The following PLCL1 variants were observed in gnomAD, a reference collection of about 807,000 sequenced individuals.
The protein encoded by PLCL1 is phospholipase C like 1 (inactive).
A neutral mutation model predicts 84.4 loss-of-function variants in PLCL1; 41 were observed. The ratio of observed to expected loss-of-function variants is 0.49; its 90% CI spans 0.38 to 0.63. The LOEUF (loss-of-function observed/expected upper bound fraction) is 0.63, where lower values mean the gene tolerates loss of function less well. PLCL1 is among the 30% of genes least tolerant of loss of function. The probability of loss-of-function intolerance (pLI) is 0.00; values close to 1 mark genes in which losing one functional copy is unlikely to be tolerated. For missense variants in PLCL1, 1,206 were observed against 1,367.8 expected (o/e 0.88, Z 1.87); for synonymous variants, 490 against 488.3 (o/e 1.00, Z -0.05).
chr2:197,964,578 A>G (rs777160858), intron 1 of PLCL1, among the ~76,000 whole-genome samples: 1 of 152,102 alleles, frequency 6.6e-6, no homozygotes. Context: ...TCCAATTTCA[A>G]TGCCCTTTAT....
Position 198,084,554 on chromosome 2 carries a change from C to A in PLCL1, c.1037C>A (p.Thr346Asn). The change falls in exon 2 of 6, where the codon ACC becomes AAC. Residue 346 changes from threonine to asparagine, a missense_variant. Transcript: ENST00000428675. The part of the protein sequence containing the change: ...MLFLEAEQGV[T>N]HITEDICLDI... ...TTTTTAGAAGCTGAGCAAGGAGTCACCCATATCACCGAGGATATATGCTTA... is the reference window on the plus strand; with the variant it reads ...TTTTTAGAAGCTGAGCAAGGAGTCAACCATATCACCGAGGATATATGCTTA... The A allele has an allele frequency of 6.2e-7, 1 of 1,613,614 alleles. No homozygotes were observed. The highest frequency in any genetic ancestry group is 8.5e-7 in the Non-Finnish European group (1 of 1,179,540).
chr2:198,094,848 A>G (rs1559103540), intron 3 of PLCL1, among the ~76,000 whole-genome samples: 1 of 152,072 alleles, frequency 6.6e-6, no homozygotes, highest in Non-Finnish European at 1.5e-5. Flanking sequence ...TAATACTCTC[A>G]ATAGGATGTT....
At chr2:198,059,618 G>A (rs889272949) in intron 1 of PLCL1, among the ~76,000 whole-genome samples, 1 of 152,144 alleles carries the variant, frequency 6.6e-6, no homozygotes, top group Non-Finnish European at 1.5e-5. Context: ...GGACGAGAAA[G>A]CTGAGAGAGG....
At chr2:197,863,066 G>T (rs1687463060) in intron 1 of PLCL1, among the ~76,000 whole-genome samples, 1 of 151,966 alleles carries the variant, frequency 6.6e-6, no homozygotes, top group Admixed American at 6.6e-5. Flanking sequence ...GTTAGAAAAG[G>T]ATATTTTAGC....
intron 2 of PLCL1, among the ~76,000 whole-genome samples, chr2:198,087,493 A>G (rs1039574032): frequency 1.3e-5 from 2 of 152,188 alleles, no homozygotes; most frequent in Non-Finnish European, 2.9e-5. Flanking sequence ...TGTGTTTATA[A>G]TAATCCTCAC....
At chr2:197,902,629 A>G (rs566294837) in intron 1 of PLCL1, among the ~76,000 whole-genome samples, 1 of 152,354 alleles carries the variant, frequency 6.6e-6, no homozygotes, top group South Asian at 2.1e-4. Flanking sequence ...ACATACTGGT[A>G]TGAAGAACAG....
At chr2:198,080,885 A>C (rs1344968508) in intron 1 of PLCL1, among the ~76,000 whole-genome samples, 1 of 152,230 alleles carries the variant, frequency 6.6e-6, no homozygotes, top group Non-Finnish European at 1.5e-5. Flanking sequence ...GGTCAAAGCA[A>C]GAAATAAGCA....
intron 1 of PLCL1, among the ~76,000 whole-genome samples, chr2:197,916,995 A>T (rs1174479954): frequency 6.6e-6 from 1 of 152,214 alleles, no homozygotes; most frequent in Non-Finnish European, 1.5e-5. Context: ...AATCCAAAAA[A>T]ACTGACAATA....
At chr2:197,854,935 G>A (rs1330351325) in intron 1 of PLCL1, among the ~76,000 whole-genome samples, 1 of 152,154 alleles carries the variant, frequency 6.6e-6, no homozygotes, top group Non-Finnish European at 1.5e-5. Flanking sequence ...TTAAAATAAA[G>A]ACAGAATTTT....
At position 198,085,282 on chromosome 2, in the gene PLCL1, G is replaced by A; in HGVS notation, c.1765G>A (p.Val589Met). 6.2e-7 allele frequency: 1 copy of A among 1,613,908 alleles called. No homozygotes were observed. The highest frequency in any genetic ancestry group is 8.5e-7 in the Non-Finnish European group (1 of 1,179,838). ...IRLCRELSDL[V>M]SICKSVQYRD... Reference sequence around the variant, plus strand: ...ACTCTGTAGGGAGCTCTCTGATTTGGTGTCTATTTGTAAATCTGTTCAATA... The same window carrying A: ...ACTCTGTAGGGAGCTCTCTGATTTGATGTCTATTTGTAAATCTGTTCAATA... Residue 589 changes from valine to methionine, a missense_variant, in exon 2 of 6, where the codon GTG (valine) becomes ATG (methionine). Transcript: ENST00000428675. This position sits in a 1 kb window ranked among gnomAD's most constrained non-coding sequence, Gnocchi z 5.3.
intron 1 of PLCL1, among the ~76,000 whole-genome samples, chr2:197,955,913 A>G (rs1479000974): frequency 2.6e-5 from 4 of 151,802 alleles, no homozygotes; most frequent in Non-Finnish European, 5.9e-5. Context: ...TCAACCCGTC[A>G]TCTAGGTTTT....
chr2:197,863,956 A>C (rs541686108), intron 1 of PLCL1, among the ~76,000 whole-genome samples: 4 of 152,156 alleles, frequency 2.6e-5, no homozygotes, highest in Non-Finnish European at 4.4e-5. Flanking sequence ...TTAAACACTC[A>C]TAGACATGAC....
chr2:198,103,307 G>T (rs894399655), intron 4 of PLCL1, among the ~76,000 whole-genome samples: 1 of 151,748 alleles, frequency 6.6e-6, no homozygotes, highest in Non-Finnish European at 1.5e-5. Context: ...ATTTTTGTGG[G>T]TACATAGGAG....
chr2:198,102,411 A>G (rs1419363851), intron 4 of PLCL1, among the ~76,000 whole-genome samples: 1 of 152,056 alleles, frequency 6.6e-6, no homozygotes, highest in Non-Finnish European at 1.5e-5. Flanking sequence ...CTCCACACTC[A>G]TGTTCTTTAC....
chr2:198,020,562 GA>G (rs973475435), intron 1 of PLCL1, among the ~76,000 whole-genome samples: 30 of 120,008 alleles, frequency 2.5e-4, no homozygotes, highest in African/African-American at 3.1e-4. Context: ...CAAATGGAAA[GA>G]AAAAAAAAAG....
chr2:198,121,370 T>G (rs541074069), intron 5 of PLCL1, among the ~76,000 whole-genome samples: 15 of 152,218 alleles, frequency 9.9e-5, no homozygotes, highest in Admixed American at 7.9e-4. Context: ...TGTGGGGTAT[T>G]ACTTAAGACA....
chr2:198,136,165 A>G (rs754177279), intron 5 of PLCL1, among the ~76,000 whole-genome samples: 3 of 152,210 alleles, frequency 2.0e-5, no homozygotes, highest in Non-Finnish European at 2.9e-5. Flanking sequence ...GGCAAAGGAC[A>G]GTGGACTTAT....
intron 3 of PLCL1, among the ~76,000 whole-genome samples, chr2:198,096,614 C>T (rs1188284368): frequency 6.6e-6 from 1 of 152,046 alleles, no homozygotes; most frequent in African/African-American, 2.4e-5. Flanking sequence ...TCTGTGCTAC[C>T]TTATTTAACA....
intron 1 of PLCL1, among the ~76,000 whole-genome samples, chr2:198,018,281 G>A (rs1005432789): frequency 2.0e-4 from 31 of 152,314 alleles, no homozygotes; most frequent in African/African-American, 7.2e-4. Flanking sequence ...AAGGCCCTGG[G>A]TTTCAAGCAC....
Sources: gnomAD v4.1 joint callset for allele counts (sites outside exome capture counted in the v4.1 genomes callset) on GRCh38, gnomAD v4.1.1 for gene constraint, Gnocchi (gnomAD v3.1) non-coding constraint, MANE v1.5 for transcripts, NCBI Gene and HGNC (gene_info 2026-07-23, HGNC 2026-07-21) for gene names.